ANK3: variants seen among roughly 807,000 people sequenced by gnomAD.
ANK3 encodes the protein ankyrin 3, also known as ankyrin-3.
In ANK3, 57 loss-of-function variants were observed where a neutral mutation model predicts 370.9. That is an observed-to-expected ratio of 0.15 (90% CI 0.12 to 0.19). ANK3 has a LOEUF of 0.19. Ranked by LOEUF, ANK3 falls within the 10% of genes least tolerant of loss-of-function variation. The pLI is 1.00. For missense variants in ANK3, 4,439 were observed against 5,302.1 expected (o/e 0.84, Z 5.06); for synonymous variants, 1,929 against 1,946.3 (o/e 0.99, Z 0.23).
At position 60,157,798 on chromosome 10, in the gene ANK3, A is replaced by G. The variant is rs555850284; in HGVS notation, c.2614+8793T>C. Among the ~76,000 whole-genome samples the G allele has an allele frequency of 4.1e-4, 63 of 151,954 alleles. 1 individual carries two copies. Among genetic ancestry groups the G allele is most frequent in the Middle Eastern group, 6.8e-3 (2 of 294 alleles). On this transcript the variant is annotated intron_variant, in intron 23 of 43. Coordinates refer to ENST00000280772, the MANE Select transcript of ANK3 (RefSeq NM_020987.5). ...AAAAAAATAAAAAGGAATGATGCAT[A>G]CCTACAAGATCTAGAAAATAACCTC...
In ANK3 at chr10:60,196,183, G is replaced by A. The variant is rs201729829; in HGVS notation, c.1849C>T (p.Leu617Phe). The A allele has an allele frequency of 6.2e-7, 1 of 1,613,964 alleles. No homozygotes were observed. The highest frequency in any genetic ancestry group is 2.2e-5 in the East Asian group (1 of 44,872). Reference protein sequence around the residue: ...HYDNQKVALLLLDQGASPHAA... With the variant: ...HYDNQKVALLFLDQGASPHAA... ...TGAGGTGAGGCTCCTTGGTCCAAAA[G>A]CAGAAGGGCCACTTTCTGATTATCG... Residue 617 changes from leucine (L) to phenylalanine (F), a missense_variant, in exon 16 of 44, where the codon CTT (leucine) becomes TTT (phenylalanine). This residue lies in a region of ANK3 where 192 missense variants were observed against 192.1 expected (regional missense o/e 1.00). Coordinates refer to ENST00000280772, the MANE Select transcript of ANK3 (RefSeq NM_020987.5).
At position 60,655,602 on chromosome 10, in the gene ANK3, G is replaced by C. The variant is rs1444037453; in HGVS notation, c.58-40378C>G. Among the ~76,000 whole-genome samples, 3 of 151,966 alleles carry C rather than the reference G, an allele frequency of 2.0e-5. No homozygotes were observed. In the East Asian group the frequency reaches 5.8e-4, roughly 29 times the overall value. On this transcript the variant is annotated intron_variant, in intron 1 of 43. Transcript: ENST00000373827. ...TTTTTAAAATTAAAAAGTTTATAAA[G>C]TGAAAAATTTACAGTAAGCTAAGGT...
intron 2 of ANK3, among the ~76,000 whole-genome samples, chr10:60,549,191 C>T (rs892481464): frequency 1.4e-4 from 21 of 151,034 alleles, no homozygotes; most frequent in Non-Finnish European, 3.0e-4. Context: ...TCATGTTGAC[C>T]AGGGTGTACA....
At chr10:60,711,343 T>C (rs1415877742) in intron 1 of ANK3, among the ~76,000 whole-genome samples, 1 of 151,334 alleles carries the variant, frequency 6.6e-6, no homozygotes, top group Non-Finnish European at 1.5e-5. Context: ...GCATCTACTA[T>C]GTACCCACAA....
chr10:60,400,753 G>A (rs1302812156), intron 2 of ANK3, among the ~76,000 whole-genome samples: 1 of 151,942 alleles, frequency 6.6e-6, no homozygotes, highest in Non-Finnish European at 1.5e-5. Flanking sequence ...GGATGTGTAG[G>A]TTTGTTACAC....
At chr10:60,609,413 G>C (rs1251619286) in intron 2 of ANK3, among the ~76,000 whole-genome samples, 1 of 152,128 alleles carries the variant, frequency 6.6e-6, no homozygotes, top group Non-Finnish European at 1.5e-5. Flanking sequence ...CCATCACAGA[G>C]ATGAATATTG....
At chr10:60,403,367 C>A (rs1594960174) in intron 2 of ANK3, among the ~76,000 whole-genome samples, 1 of 152,078 alleles carries the variant, frequency 6.6e-6, no homozygotes, top group South Asian at 2.1e-4. Flanking sequence ...ACCTTTGCAC[C>A]AAACCTAGTA....
At chr10:60,533,439 G>A (rs965564696) in intron 2 of ANK3, among the ~76,000 whole-genome samples, 2 of 152,046 alleles carry the variant, frequency 1.3e-5, no homozygotes, top group African/African-American at 4.8e-5. Flanking sequence ...TCCCAGGCTA[G>A]GCACTCTTCT....
At chr10:60,336,791 A>T (rs1158224567) in intron 1 of ANK3, among the ~76,000 whole-genome samples, 1 of 152,212 alleles carries the variant, frequency 6.6e-6, no homozygotes, top group Non-Finnish European at 1.5e-5. Flanking sequence ...GAAGATTGAG[A>T]GCACCTTCAC....
chr10:60,446,582 T>C (rs183001654), intron 2 of ANK3, among the ~76,000 whole-genome samples: 4 of 152,310 alleles, frequency 2.6e-5, no homozygotes, highest in Non-Finnish European at 1.5e-5. Flanking sequence ...ATTTTACTCC[T>C]TTTTATCTCT....
intron 2 of ANK3, among the ~76,000 whole-genome samples, chr10:60,488,669 G>A (rs2075412172): frequency 6.6e-6 from 1 of 152,092 alleles, no homozygotes; most frequent in South Asian, 2.1e-4. Context: ...TAAATCATAT[G>A]ATATATTGGC....
intron 25 of ANK3, among the ~76,000 whole-genome samples, chr10:60,118,233 A>G (rs796420027): frequency 4.3e-4 from 65 of 152,360 alleles, no homozygotes; most frequent in African/African-American, 1.5e-3. Context: ...CTTTGGTAAT[A>G]ATAAAATCTA....
At chr10:60,233,640 C>A (rs1385196211) in intron 8 of ANK3, among the ~76,000 whole-genome samples, 1 of 152,060 alleles carries the variant, frequency 6.6e-6, no homozygotes, top group Non-Finnish European at 1.5e-5. Flanking sequence ...TTTTGCTGTG[C>A]TGCCCAGGCT....
chr10:60,040,225 T>C (rs2075843734), intron 43 of ANK3, among the ~76,000 whole-genome samples: 1 of 151,606 alleles, frequency 6.6e-6, no homozygotes, highest in Non-Finnish European at 1.5e-5. Flanking sequence ...AAATGGGAAA[T>C]ACAAATTTTG....
intron 6 of ANK3, among the ~76,000 whole-genome samples, chr10:60,262,755 C>G (rs1338674103): frequency 6.6e-6 from 1 of 152,172 alleles, no homozygotes; most frequent in Non-Finnish European, 1.5e-5. Flanking sequence ...AAGTGTCATG[C>G]ACAACCCTAA....
chr10:60,219,573 ACT>A (rs2097004463), intron 8 of ANK3, among the ~76,000 whole-genome samples: 2 of 152,094 alleles, frequency 1.3e-5, no homozygotes, highest in Admixed American at 1.3e-4. Flanking sequence ...GGGAAGGGAG[ACT>A]CTGCAGGAAG....
At chr10:60,610,297 G>T (rs1396946260) in intron 2 of ANK3, among the ~76,000 whole-genome samples, 1 of 151,960 alleles carries the variant, frequency 6.6e-6, no homozygotes, top group Non-Finnish European at 1.5e-5. Flanking sequence ...AGATCACCTG[G>T]GGTCAGGAGT....
chr10:60,356,652 A>G (rs1307554043), intron 1 of ANK3, among the ~76,000 whole-genome samples: 1 of 152,128 alleles, frequency 6.6e-6, no homozygotes, highest in African/African-American at 2.4e-5. Flanking sequence ...CTCACCTAAT[A>G]TCCAAGGTCC....
intron 16 of ANK3, among the ~76,000 whole-genome samples, chr10:60,195,049 G>A (rs182529396): frequency 1.3e-5 from 2 of 152,200 alleles, no homozygotes; most frequent in Non-Finnish European, 2.9e-5. Flanking sequence ...TTAAAGGAGA[G>A]CACTGCAGCT....
Sources: gnomAD v4.1 joint callset for allele counts (sites outside exome capture counted in the v4.1 genomes callset) on GRCh38, gnomAD v4.1.1 for gene constraint, gnomAD v4.1.1 regional missense constraint, MANE v1.5 for transcripts, NCBI Gene and HGNC (gene_info 2026-07-23, HGNC 2026-07-21) for gene names.